The following GGACT variants were observed in gnomAD, a reference collection of about 807,000 sequenced individuals.
GGACT encodes the protein gamma-glutamylamine cyclotransferase.
For synonymous variants in GGACT, 118 were observed against 115.3 expected (o/e 1.02, Z -0.15); for missense variants, 241 against 233.2 (o/e 1.03, Z -0.22).
At chr13:100,551,270 C>T (rs552514680) in intron 2 of GGACT, among the ~76,000 whole-genome samples, 6 of 151,506 alleles carry the variant, frequency 4.0e-5, no homozygotes, top group African/African-American at 1.5e-4. Flanking sequence ...GGCGACAGAG[C>T]GAGACTCTGT....
Position 100,532,520 on chromosome 13 carries a change from G to T in GGACT, c.72C>A (p.Ala24=), listed in dbSNP as rs1403768724. 1.3e-6 allele frequency: 2 copies of T among 1,548,390 alleles called. No homozygotes were observed. The highest frequency in any genetic ancestry group is 1.7e-6 in the Non-Finnish European group (2 of 1,145,834). Residue 24 remains alanine (A), a synonymous_variant, in exon 3 of 3, where the codon GCC becomes GCA. Coordinates refer to ENST00000683975, the MANE Select transcript of GGACT (RefSeq NM_001195087.2). ...QPNHRVLRDG[A]HGSAAFRARG... ...GCGCCCGAAAGGCTGCGGAGCCGTG[G>T]GCGCCGTCCCGCAGGACCCTGTGGT...
At chr13:100,541,631 G>A (rs2088556053) in intron 2 of GGACT, 3 of 152,320 alleles carry the variant, frequency 2.0e-5, no homozygotes, top group Admixed American at 1.3e-4. Context: ...CAGGCATATC[G>A]AGTAGTGGTT....
chr13:100,545,410 C>T lies in GGACT; in HGVS notation c.-10-12809G>A, dbSNP rs2088595835. ...CGTCCCTTCCTGACCTCCTTCCTGA[C>T]CTCCACGTCCCAGGGCCCCTGGAGG... is the stretch of plus-strand genomic sequence containing the variant. On this transcript the variant is annotated intron_variant, in intron 2 of 2. Transcript: ENST00000683975. This position sits in a 1 kb window ranked among gnomAD's most constrained non-coding sequence, Gnocchi z 4.4. Among the ~76,000 whole-genome samples, 1 of 152,184 alleles carries T rather than the reference C, an allele frequency of 6.6e-6. No homozygotes were observed. The highest frequency in any genetic ancestry group is 1.5e-5 in the Non-Finnish European group (1 of 68,018).
At chr13:100,569,251 G>T (rs1875004599) in intron 2 of GGACT, among the ~76,000 whole-genome samples, 1 of 152,248 alleles carries the variant, frequency 6.6e-6, no homozygotes, top group South Asian at 2.1e-4. Flanking sequence ...CCTAGCAGAG[G>T]TTCTCTATGA....
At chr13:100,550,310 A>T (rs56055099) in intron 2 of GGACT, among the ~76,000 whole-genome samples, 56,647 of 102,622 alleles carry the variant, frequency 0.55, 16,101 homozygotes, top group South Asian at 0.77. Context: ...ACACACACAC[A>T]CACACACACA....
intron 2 of GGACT, among the ~76,000 whole-genome samples, chr13:100,561,373 T>C (rs1311345259): frequency 6.6e-6 from 1 of 152,216 alleles, no homozygotes; most frequent in Non-Finnish European, 1.5e-5. Flanking sequence ...TGCAATTCTG[T>C]ATAGATCCAT....
In GGACT at chr13:100,530,698, C is replaced by G. The variant is rs1277376282; in HGVS notation, c.*1432G>C. 4.5e-6 allele frequency: 1 copy of G among 223,094 alleles called. No individual in the cohort carries two copies. Among genetic ancestry groups the G allele is most frequent in the South Asian group, 6.4e-5 (1 of 15,556 alleles). 13.8% of individuals were successfully genotyped at this position (223,094 alleles called of 1,614,324 possible). A position where few individuals can be genotyped will look rare whatever the true frequency, so the allele number is the denominator to read the frequency against. ...CTGCAAATGCAGATTTTGGCAATCC[C>G]TTTCCTGCTGTGTCTCTATGTGGGT... On this transcript the variant is annotated 3_prime_UTR_variant, in exon 3 of 3. Transcript: ENST00000683975.
intron 1 of GGACT, 151 bp downstream of exon 1, chr13:100,588,590 C>T (rs1186517997): frequency 2.0e-5 from 3 of 151,900 alleles, no homozygotes; most frequent in Non-Finnish European, 4.4e-5. Flanking sequence ...CCCCAGGCCT[C>T]CTCCCTCACC....
At chr13:100,569,450 C>T (rs1236455007) in intron 2 of GGACT, among the ~76,000 whole-genome samples, 1 of 152,238 alleles carries the variant, frequency 6.6e-6, no homozygotes, top group Non-Finnish European at 1.5e-5. Context: ...TTACACTGGA[C>T]CCTTTTAGCC....
chr13:100,580,065 T>C (rs935606204), intron 2 of GGACT: 1 of 152,186 alleles, frequency 6.6e-6, no homozygotes, highest in Non-Finnish European at 1.5e-5. Flanking sequence ...TGCCTCGGTG[T>C]ATAAGAGCAG....
intron 2 of GGACT, among the ~76,000 whole-genome samples, chr13:100,560,548 C>T (rs1436264015): frequency 6.6e-6 from 1 of 152,212 alleles, no homozygotes; most frequent in Non-Finnish European, 1.5e-5. Flanking sequence ...AGGGAGTGAG[C>T]ATCCGTGGGA....
At chr13:100,584,908 C>T (rs963720717) in intron 1 of GGACT, among the ~76,000 whole-genome samples, 35 of 152,266 alleles carry the variant, frequency 2.3e-4, no homozygotes, top group Middle Eastern at 3.4e-3. Context: ...TTTAGTAATG[C>T]TGAGCTCCTA....
intron 2 of GGACT, among the ~76,000 whole-genome samples, chr13:100,543,748 C>G (rs1454777774): frequency 6.6e-6 from 1 of 152,204 alleles, no homozygotes; most frequent in African/African-American, 2.4e-5. Context: ...AGCTCAGGCC[C>G]CTGCCAGAGG....
At chr13:100,546,196 T>C (rs998597941) in intron 2 of GGACT, among the ~76,000 whole-genome samples, 1 of 151,442 alleles carries the variant, frequency 6.6e-6, no homozygotes, top group Admixed American at 6.6e-5. Flanking sequence ...GCATCTCTAC[T>C]AAAAATACAA....
intron 2 of GGACT, among the ~76,000 whole-genome samples, chr13:100,579,669 C>T (rs760986942): frequency 1.3e-5 from 2 of 152,122 alleles, no homozygotes; most frequent in Non-Finnish European, 2.9e-5. Context: ...CTTCCCTACT[C>T]GGTCTATTTC....
chr13:100,545,178 G>A lies in GGACT; in HGVS notation c.-10-12577C>T, dbSNP rs550769359. On this transcript the variant is annotated intron_variant, in intron 2 of 2. Transcript: ENST00000683975. This position sits in a 1 kb window ranked among gnomAD's most constrained non-coding sequence, Gnocchi z 4.4. ...GCCGGACCTACCTGTGGCTCACGGG[G>A]GATCAACGCCACCCCCAAGGGAGAG... 2.6e-5 allele frequency among the ~76,000 whole-genome samples: 4 copies of A among 152,346 alleles called. No homozygotes were observed. The East Asian group carries it at 5.8e-4, about 22-fold the overall frequency.
Position 100,561,945 on chromosome 13 carries a change from G to A in GGACT, c.-11+21880C>T, listed in dbSNP as rs147456885. ...GTTTTGAATGAAATAAAACAAATAG[G>A]AAATCATTAACTCTGCTCAAAGGTC... is the stretch of plus-strand genomic sequence containing the variant. On this transcript the variant is annotated intron_variant, in intron 2 of 2. Coordinates refer to ENST00000683975, the MANE Select transcript of GGACT (RefSeq NM_001195087.2). 1.8e-4 allele frequency among the ~76,000 whole-genome samples: 27 copies of A among 152,290 alleles called. No individual in the cohort carries two copies. In the East Asian group the frequency reaches 4.4e-3, roughly 25 times the overall value.
At chr13:100,542,080 G>A (rs1227135279) in intron 2 of GGACT, among the ~76,000 whole-genome samples, 1 of 152,226 alleles carries the variant, frequency 6.6e-6, no homozygotes, top group East Asian at 1.9e-4. Flanking sequence ...CAGGATCAGA[G>A]TTAAGCACTG....
intron 2 of GGACT, among the ~76,000 whole-genome samples, chr13:100,557,313 G>A (rs1209888029): frequency 1.3e-5 from 2 of 152,216 alleles, no homozygotes; most frequent in African/African-American, 4.8e-5. Context: ...TATGGAATTA[G>A]TGGTGCGGGC....
Sources: allele counts gnomAD v4.1 joint callset (sites outside exome capture counted in the v4.1 genomes callset), GRCh38; gene constraint gnomAD v4.1.1; non-coding constraint Gnocchi (gnomAD v3.1); transcripts MANE v1.5; gene names NCBI Gene and HGNC (gene_info 2026-07-23, HGNC 2026-07-21).